The following TMC2 variants were observed in gnomAD, a reference collection of about 807,000 sequenced individuals.
TMC2 encodes the protein transmembrane channel like 2, also known as transmembrane channel-like protein 2.
TMC2 carries 102 observed loss-of-function variants against 105.9 expected under a neutral mutation model. The ratio of observed to expected loss-of-function variants is 0.96; its 90% CI spans 0.82 to 1.14. TMC2 has a LOEUF of 1.14. Among genes scored for constraint, TMC2 ranks in the 50% most tolerant of loss-of-function variants. TMC2 has a pLI of 0.00. For missense variants in TMC2, 1,093 were observed against 1,134.3 expected, an observed-to-expected ratio of 0.96 and a Z score of 0.52; for synonymous variants, 402 against 422.8, an observed-to-expected ratio of 0.95 and a Z score of 0.60.
intron 17 of TMC2, among the ~76,000 whole-genome samples, chr20:2,627,323 G>A (rs1369484651): frequency 5.3e-5 from 8 of 152,212 alleles, no homozygotes; most frequent in Non-Finnish European, 1.2e-4. Flanking sequence ...TACAGCCACT[G>A]TGAAATCTCT....
chr20:2,579,106 A>T, intron 5 of TMC2, 40 bp from the exon 6 acceptor site: 2 of 1,166,452 alleles, frequency 1.7e-6, no homozygotes, highest in Non-Finnish European at 1.3e-6. Context: ...CTCCAGGTTG[A>T]CATGTTAAGG....
chr20:2,611,829 A>G (rs866355649), intron 12 of TMC2, among the ~76,000 whole-genome samples: 4 of 111,480 alleles, frequency 3.6e-5, no homozygotes, highest in East Asian at 2.8e-4. Flanking sequence ...TAGATGGATG[A>G]ATGGATGGAT....
At chr20:2,553,774 G>T (rs956821164) in intron 2 of TMC2, among the ~76,000 whole-genome samples, 2 of 152,040 alleles carry the variant, frequency 1.3e-5, no homozygotes, top group African/African-American at 4.8e-5. Flanking sequence ...TACTTATTTC[G>T]CTTTGTGTGA....
intron 2 of TMC2, among the ~76,000 whole-genome samples, chr20:2,544,068 ATTTT>A (rs3051737): frequency 0.28 from 37,108 of 132,640 alleles, 5,544 homozygotes; most frequent in Admixed American, 0.4. Context: ...TGCCTAGCTG[ATTTT>A]TTTTTTTTTT....
chr20:2,563,872 A>G (rs1026022884), intron 4 of TMC2, among the ~76,000 whole-genome samples: 1 of 151,972 alleles, frequency 6.6e-6, no homozygotes, highest in Admixed American at 6.6e-5. Flanking sequence ...GACTACAGGC[A>G]TATGCCACCA....
chr20:2,579,180 T>C lies in TMC2; in HGVS notation c.680T>C (p.Phe227Ser), dbSNP rs1054748459. 4 of 1,600,996 alleles carry C rather than the reference T, an allele frequency of 2.5e-6. No individual in the cohort carries two copies. In the African/African-American group the frequency reaches 4.0e-5, roughly 16 times the overall value. Residue 227 changes from phenylalanine to serine, a missense_variant, in exon 6 of 20, where the codon TTC (phenylalanine) becomes TCC (serine). Physicochemically the swap from Phe to Ser is radical, Grantham distance 155. Coordinates refer to ENST00000358864, the MANE Select transcript of TMC2 (RefSeq NM_080751.3). The stretch of plus-strand genomic sequence containing the variant: ...AAATTTAAGAGAGACTTTGATAATT[T>C]CAAGACTCAATGTATCCCCTGGGAA... ...WVKFKRDFDN[F>S]KTQCIPWEMK...
At chr20:2,560,443 C>T (rs905090080) in intron 3 of TMC2, among the ~76,000 whole-genome samples, 1 of 152,104 alleles carries the variant, frequency 6.6e-6, no homozygotes, top group Admixed American at 6.5e-5. Context: ...ATTTATGAAA[C>T]ACACTCAGGC....
intron 7 of TMC2, among the ~76,000 whole-genome samples, chr20:2,581,925 T>C (rs1388903948): frequency 6.6e-6 from 1 of 152,074 alleles, no homozygotes; most frequent in African/African-American, 2.4e-5. Context: ...TAGAGAACCT[T>C]GATTTGATTG....
At chr20:2,601,426 G>T (rs913691335) in intron 10 of TMC2, among the ~76,000 whole-genome samples, 1 of 152,206 alleles carries the variant, frequency 6.6e-6, no homozygotes, top group Non-Finnish European at 1.5e-5. Context: ...GATTCAGTTG[G>T]AATCTATTTG....
At chr20:2,543,099 A>T (rs373011140) in intron 2 of TMC2, among the ~76,000 whole-genome samples, 136 of 151,878 alleles carry the variant, frequency 9.0e-4, no homozygotes, top group Admixed American at 1.6e-3. Flanking sequence ...TAGTCAGGCA[A>T]GGTGGCATAC....
At chr20:2,562,148 C>T in intron 4 of TMC2, 138 bp downstream of exon 4, 3 of 1,086,586 alleles carry the variant, frequency 2.8e-6, no homozygotes, top group South Asian at 1.8e-5. Flanking sequence ...CTCAGGGAGC[C>T]CCATGAGAGC....
At chr20:2,570,647 A>AT (rs113682243) in intron 4 of TMC2, among the ~76,000 whole-genome samples, 19,271 of 152,150 alleles carry the variant, frequency 0.13, 1,513 homozygotes, top group African/African-American at 0.21. Flanking sequence ...ATAGAAAAAA[A>AT]GATTCTAAAA....
intron 4 of TMC2, among the ~76,000 whole-genome samples, chr20:2,570,764 A>G (rs1443966518): frequency 1.3e-5 from 2 of 152,256 alleles, no homozygotes; most frequent in African/African-American, 2.4e-5. Context: ...ATGAGGCTAC[A>G]GTAACGAAAA....
At chr20:2,595,741 T>C (rs886871971) in intron 9 of TMC2, among the ~76,000 whole-genome samples, 5 of 107,020 alleles carry the variant, frequency 4.7e-5, no homozygotes, top group African/African-American at 1.8e-4. Context: ...AGCACAGACA[T>C]GAGGGGTCAC....
intron 2 of TMC2, among the ~76,000 whole-genome samples, chr20:2,538,907 A>G (rs1320053596): frequency 6.6e-6 from 1 of 152,158 alleles, no homozygotes; most frequent in African/African-American, 2.4e-5. Context: ...CCTTCCCTTT[A>G]TACTCTACCA....
At chr20:2,619,698 G>A (rs947960973) in intron 16 of TMC2, among the ~76,000 whole-genome samples, 1 of 152,166 alleles carries the variant, frequency 6.6e-6, no homozygotes, top group African/African-American at 2.4e-5. Context: ...GTGCTGAAGT[G>A]CAGATGGCCT....
intron 2 of TMC2, among the ~76,000 whole-genome samples, chr20:2,549,229 G>GT (rs1454942921): frequency 2.6e-5 from 4 of 152,000 alleles, no homozygotes; most frequent in South Asian, 4.1e-4. Flanking sequence ...TAAATTTTTA[G>GT]TTTTTTTGTA....
chr20:2,623,743 G>A (rs2086543922), intron 16 of TMC2, among the ~76,000 whole-genome samples: 1 of 152,178 alleles, frequency 6.6e-6, no homozygotes, highest in African/African-American at 2.4e-5. Flanking sequence ...TTAGGTATTT[G>A]AAGAAAATAA....
chr20:2,612,414 T>C, intron 13 of TMC2, 74 bp downstream of exon 13: 1 of 1,363,096 alleles, frequency 7.3e-7, no homozygotes, highest in Non-Finnish European at 9.7e-7. Flanking sequence ...ATGTTTCCAT[T>C]TGAGGAATAA....
Sources: allele counts gnomAD v4.1 joint callset (sites outside exome capture counted in the v4.1 genomes callset), GRCh38; gene constraint gnomAD v4.1.1; transcripts MANE v1.5; gene names NCBI Gene and HGNC (gene_info 2026-07-23, HGNC 2026-07-21).